The following AK7 variants were observed in gnomAD, a reference collection of about 807,000 sequenced individuals.
AK7 encodes adenylate kinase 7.
In AK7, 78 loss-of-function variants were observed where a neutral mutation model predicts 96.6. That is an observed-to-expected ratio of 0.81 (90% CI 0.67 to 0.97). The LOEUF is 0.97. AK7 is among the 50% of genes least tolerant of loss of function. The pLI is 0.00. For synonymous variants in AK7, 302 were observed against 317.2 expected (o/e 0.95, Z 0.51); for missense variants, 855 against 887.9 (o/e 0.96, Z 0.47).
At chr14:96,468,588 C>A (rs60811930) in intron 12 of AK7, among the ~76,000 whole-genome samples, 12,958 of 151,998 alleles carry the variant, frequency 0.085, 644 homozygotes, top group East Asian at 0.12. Flanking sequence ...TGAGCCACCA[C>A]GCCCGGCCTG....
chr14:96,476,125 C>G (rs1039478838), intron 14 of AK7, among the ~76,000 whole-genome samples: 1 of 152,160 alleles, frequency 6.6e-6, no homozygotes, highest in Non-Finnish European at 1.5e-5. Flanking sequence ...TAGCCTATGT[C>G]CAGTTTGATT....
chr14:96,423,585 T>C, intron 5 of AK7: 1 of 497,080 alleles, frequency 2.0e-6, no homozygotes, highest in Non-Finnish European at 3.8e-6. Context: ...GCTCAGGTCT[T>C]GTCTGTCCAA....
rs1309460756 is a variant in AK7, at chr14:96,489,321, G to A, written c.*978G>A. The A allele has an allele frequency of 6.6e-6, 1 of 152,138 alleles. No homozygotes were observed. The highest frequency in any genetic ancestry group is 6.6e-5 in the Admixed American group (1 of 15,256). The allele number at this position is 152,138 out of a possible 1,614,324, so 9.4% of individuals were successfully genotyped here. The stretch of plus-strand genomic sequence containing the variant: ...CCAAATGGAAACCCAGCACCTATTA[G>A]GCAGTCACGCTCCATTATTCCCTCC... On this transcript the variant is annotated 3_prime_UTR_variant, in exon 18 of 18. Transcript: ENST00000267584.
intron 2 of AK7, among the ~76,000 whole-genome samples, chr14:96,400,030 C>CTTTTT (rs34001068): frequency 2.3e-5 from 2 of 86,346 alleles, no homozygotes; most frequent in African/African-American, 4.8e-5. Flanking sequence ...CAAAAACAAT[C>CTTTTT]TTTTTTTTTT....
chr14:96,447,420 G>C (rs928375956), intron 8 of AK7, among the ~76,000 whole-genome samples: 1 of 150,876 alleles, frequency 6.6e-6, no homozygotes, highest in South Asian at 2.1e-4. Flanking sequence ...GCTCAAGAGA[G>C]CCTCCTGCCT....
chr14:96,439,757 C>T (rs1343919875), intron 6 of AK7, among the ~76,000 whole-genome samples: 3 of 151,898 alleles, frequency 2.0e-5, no homozygotes, highest in African/African-American at 4.8e-5. Context: ...ACAAATTGAC[C>T]GCTAAATTTT....
At chr14:96,482,959 G>C in intron 15 of AK7, 40 bp from the exon 16 acceptor site, 1 of 1,600,928 alleles carries the variant, frequency 6.2e-7, no homozygotes. Context: ...GGCAGGCCTA[G>C]AATATAAGTA....
At chr14:96,468,824 C>T (rs1285796474) in intron 12 of AK7, among the ~76,000 whole-genome samples, 2 of 151,664 alleles carry the variant, frequency 1.3e-5, no homozygotes, top group African/African-American at 2.4e-5. Context: ...TTGAAAGATA[C>T]ATTTAATTTT....
In AK7 at chr14:96,395,800, ATTTTTTTTTT is replaced by A. The variant is rs1172936912; in HGVS notation, c.106-2254_106-2245del. Among the ~76,000 whole-genome samples the A allele has an allele frequency of 4.2e-4, 29 of 69,036 alleles. 1 individual carries two copies. Among genetic ancestry groups the A allele is most frequent in the African/African-American group, 1.6e-3 (27 of 17,148 alleles). 45.3% of individuals were successfully genotyped at this position (69,036 alleles called of 152,430 possible). On this transcript the variant is annotated intron_variant, in intron 1 of 17. Transcript: ENST00000267584. Reference sequence around the variant, plus strand: ...TAAATTAATCCCCTTTTGATTTTGAATTTTTTTTTTTTTTTTTTTTTTTTTTTTTTGAGAC... The same window carrying A: ...TAAATTAATCCCCTTTTGATTTTGAATTTTTTTTTTTTTTTTTTTTGAGAC...
chr14:96,453,483 A>G (rs557854119), intron 10 of AK7, among the ~76,000 whole-genome samples: 28 of 152,380 alleles, frequency 1.8e-4, no homozygotes, highest in African/African-American at 6.7e-4. Flanking sequence ...ACTCAGTGAC[A>G]TCCCCAAAAG....
At chr14:96,473,516 G>C (rs1895016952) in intron 14 of AK7, among the ~76,000 whole-genome samples, 1 of 151,372 alleles carries the variant, frequency 6.6e-6, no homozygotes, top group South Asian at 2.1e-4. Context: ...ACCATAGGCA[G>C]TGTGCCTAGA....
Position 96,437,816 on chromosome 14 carries a change from T to C in AK7, c.610-19T>C, listed in dbSNP as rs1478090706. Reference sequence around the variant, plus strand: ...ATAATATTACATCCAGCTTTTTTTTTCTGTATTTTATCTAATAGGCCAGAA... The same window carrying C: ...ATAATATTACATCCAGCTTTTTTTTCCTGTATTTTATCTAATAGGCCAGAA... On this transcript the variant is annotated intron_variant, in intron 5 of 17. Coordinates refer to ENST00000267584, the MANE Select transcript of AK7 (RefSeq NM_152327.5). The C allele has an allele frequency of 3.8e-6, 6 of 1,584,550 alleles. No homozygotes were observed. Among genetic ancestry groups the C allele is most frequent in the South Asian group, 3.5e-5 (3 of 86,870 alleles).
At chr14:96,425,774 G>A (rs913288119) in intron 5 of AK7, among the ~76,000 whole-genome samples, 13 of 152,028 alleles carry the variant, frequency 8.6e-5, no homozygotes, top group African/African-American at 2.4e-4. Flanking sequence ...GTGAGCCACC[G>A]TGCCCAGCCG....
intron 6 of AK7, among the ~76,000 whole-genome samples, chr14:96,440,190 G>C (rs906613005): frequency 1.3e-5 from 2 of 152,198 alleles, no homozygotes; most frequent in South Asian, 4.1e-4. Flanking sequence ...TGGCCAGGCT[G>C]GTCTTGAACT....
chr14:96,392,445 A>C (rs1443925618), intron 1 of AK7, among the ~76,000 whole-genome samples, 186 bp downstream of exon 1: 1 of 152,140 alleles, frequency 6.6e-6, no homozygotes, highest in East Asian at 1.9e-4. Context: ...GCTGGTCAAG[A>C]GATTCTACAT....
intron 5 of AK7, among the ~76,000 whole-genome samples, chr14:96,423,227 T>C (rs928298944): frequency 5.9e-5 from 9 of 152,204 alleles, no homozygotes; most frequent in African/African-American, 1.9e-4. Flanking sequence ...CTGAGCCTCA[T>C]TGCGAGCCTC....
intron 2 of AK7, 82 bp downstream of exon 2, chr14:96,398,345 G>C: frequency 1.4e-6 from 2 of 1,460,122 alleles, no homozygotes; most frequent in Non-Finnish European, 1.9e-6. Flanking sequence ...TTGTTTTACT[G>C]TTTGCCTCCC....
Position 96,489,267 on chromosome 14 carries a change from A to T in AK7, c.*924A>T, listed in dbSNP as rs891275527. ...TCATTCACAATGATCTGCAGCCACC[A>T]CTATCTAGTCCAGAACTTTCTCATC... On this transcript the variant is annotated 3_prime_UTR_variant, in exon 18 of 18. Transcript: ENST00000267584. 2 of 152,202 alleles carry T rather than the reference A, an allele frequency of 1.3e-5. No homozygotes were observed. Among genetic ancestry groups the T allele is most frequent in the African/African-American group, 4.8e-5 (2 of 41,454 alleles). The allele number at this position is 152,202 out of a possible 1,614,324, so 9.4% of individuals were successfully genotyped here. A position where few individuals can be genotyped will look rare whatever the true frequency, so the allele number is the denominator to read the frequency against.
At chr14:96,414,757 CTTTTTTTTTTTT>C (rs10694621) in intron 4 of AK7, among the ~76,000 whole-genome samples, 4 of 100,128 alleles carry the variant, frequency 4.0e-5, no homozygotes, top group Non-Finnish European at 7.5e-5. Flanking sequence ...AGGATTCCTT[CTTTTTTTTTTTT>C]TTTTTTTTTT....
Sources: gnomAD v4.1 joint callset for allele counts (sites outside exome capture counted in the v4.1 genomes callset) on GRCh38, gnomAD v4.1.1 for gene constraint, MANE v1.5 for transcripts, NCBI Gene and HGNC (gene_info 2026-07-23, HGNC 2026-07-21) for gene names.